Variants in XKR6 observed in about 807,000 individuals in gnomAD.
XKR6 encodes XK related 6.
In XKR6, 22 loss-of-function variants were observed where a neutral mutation model predicts 56.7. That is an observed-to-expected ratio of 0.39 (90% confidence interval 0.28 to 0.55). The LOEUF is 0.55. Among genes scored for constraint, XKR6 ranks in the 20% least tolerant of loss-of-function variants. The probability of loss-of-function intolerance (pLI) is 0.66; values close to 1 mark genes in which losing one functional copy is unlikely to be tolerated. For missense variants in XKR6, 852 were observed against 889.0 expected, an observed-to-expected ratio of 0.96 and a Z score of 0.53; for synonymous variants, 524 against 387.8, an observed-to-expected ratio of 1.35 and a Z score of -4.13.
chr8:11,173,495 G>C (rs1802491418), intron 1 of XKR6, among the ~76,000 whole-genome samples: 1 of 151,882 alleles, frequency 6.6e-6, no homozygotes, highest in Admixed American at 6.6e-5. Context: ...CATGATTCTG[G>C]AGCCAGACTG....
At chr8:10,954,473 G>A (rs1434095510) in intron 1 of XKR6, among the ~76,000 whole-genome samples, 1 of 152,202 alleles carries the variant, frequency 6.6e-6, no homozygotes, top group Non-Finnish European at 1.5e-5. Flanking sequence ...TTGAAGAAAT[G>A]TCTATTGAAA....
At chr8:11,034,283 G>C (rs1799083110) in intron 1 of XKR6, among the ~76,000 whole-genome samples, 1 of 152,188 alleles carries the variant, frequency 6.6e-6, no homozygotes, top group Non-Finnish European at 1.5e-5. Flanking sequence ...CGGCATGGAG[G>C]AGCCAGCACT....
chr8:10,900,508 T>C (rs544494381), intron 2 of XKR6, among the ~76,000 whole-genome samples: 10 of 152,328 alleles, frequency 6.6e-5, no homozygotes, highest in East Asian at 3.9e-4. Context: ...CTGTTAACTG[T>C]TACAATGGGC....
intron 1 of XKR6, among the ~76,000 whole-genome samples, chr8:10,990,890 A>T (rs970625458): frequency 7.8e-5 from 10 of 127,546 alleles, no homozygotes; most frequent in African/African-American, 3.0e-4. Context: ...GCCACTGGGG[A>T]ATGTCTTTTT....
chr8:11,115,125 A>C (rs1799112021), intron 1 of XKR6, among the ~76,000 whole-genome samples: 1 of 152,178 alleles, frequency 6.6e-6, no homozygotes, highest in Non-Finnish European at 1.5e-5. Flanking sequence ...TGACAACAGA[A>C]TGAGGCTGCA....
intron 2 of XKR6, among the ~76,000 whole-genome samples, chr8:10,923,502 C>A (rs541580952): frequency 4.6e-5 from 7 of 152,370 alleles, no homozygotes; most frequent in Admixed American, 4.6e-4. Context: ...CAGCAAGCTA[C>A]TAGCCTGAAC....
rs536670763 is a variant in XKR6 at position 10,961,110 on chromosome 8, C to T, written c.765-36280G>A. 1.0e-3 allele frequency among the ~76,000 whole-genome samples: 159 copies of T among 152,154 alleles called. 1 individual carries two copies. Among genetic ancestry groups the T allele is most frequent in the African/African-American group, 3.8e-3 (157 of 41,500 alleles). Reference sequence around the variant, plus strand: ...TGGCAGGCAGGGACAGAGCATGAGGCAGAGAGAGGGTGGAGGGGAAGGCTG... The same window carrying T: ...TGGCAGGCAGGGACAGAGCATGAGGTAGAGAGAGGGTGGAGGGGAAGGCTG... On this transcript the variant is annotated intron_variant, in intron 1 of 2. Coordinates refer to ENST00000416569, the MANE Select transcript of XKR6 (RefSeq NM_173683.4).
At chr8:10,939,747 C>T (rs1440840446) in intron 1 of XKR6, among the ~76,000 whole-genome samples, 2 of 152,234 alleles carry the variant, frequency 1.3e-5, no homozygotes, top group African/African-American at 2.4e-5. Flanking sequence ...CCAGGGGCCT[C>T]GCCCACCTTC....
At chr8:11,051,512 T>A (rs545238666) in intron 1 of XKR6, among the ~76,000 whole-genome samples, 5 of 152,040 alleles carry the variant, frequency 3.3e-5, no homozygotes, top group Non-Finnish European at 7.4e-5. Flanking sequence ...CCCAGCGGAG[T>A]AAAGGACACC....
intron 1 of XKR6, among the ~76,000 whole-genome samples, chr8:11,097,431 T>C (rs960191749): frequency 1.3e-5 from 2 of 151,188 alleles, no homozygotes; most frequent in African/African-American, 2.4e-5. Context: ...TGTGTAAAAG[T>C]AGATAATACC....
chr8:10,952,843 G>C (rs921920017), intron 1 of XKR6, among the ~76,000 whole-genome samples: 1 of 152,170 alleles, frequency 6.6e-6, no homozygotes, highest in African/African-American at 2.4e-5. Flanking sequence ...TAGGAACCCA[G>C]CTGCACAGCA....
At chr8:11,186,664 G>A (rs940723239) in intron 1 of XKR6, among the ~76,000 whole-genome samples, 5 of 152,168 alleles carry the variant, frequency 3.3e-5, no homozygotes, top group Non-Finnish European at 5.9e-5. Context: ...ACAGGCATGA[G>A]ACACCACGCC....
chr8:11,079,015 G>A (rs1233037660), intron 1 of XKR6, among the ~76,000 whole-genome samples: 1 of 152,244 alleles, frequency 6.6e-6, no homozygotes, highest in Non-Finnish European at 1.5e-5. Context: ...CAAGACTAGA[G>A]GAACAGGGCG....
At chr8:10,912,303 GGT>G (rs1241996273) in intron 2 of XKR6, among the ~76,000 whole-genome samples, 1 of 18,056 alleles carries the variant, frequency 5.5e-5, no homozygotes, top group Non-Finnish European at 9.6e-5. Flanking sequence ...ATAAAGAGAG[GGT>G]GTATATATAT....
chr8:11,060,123 G>C (rs550844145), intron 1 of XKR6, among the ~76,000 whole-genome samples: 8 of 152,290 alleles, frequency 5.3e-5, no homozygotes, highest in African/African-American at 1.9e-4. Context: ...GCAGCCACAA[G>C]CTCAGGGTTG....
At chr8:11,185,735 T>G (rs1023252051) in intron 1 of XKR6, among the ~76,000 whole-genome samples, 16 of 152,194 alleles carry the variant, frequency 1.1e-4, no homozygotes, top group African/African-American at 3.6e-4. Flanking sequence ...CACTGATGAG[T>G]CTTGGGCACA....
intron 1 of XKR6, among the ~76,000 whole-genome samples, chr8:11,064,264 GGAAAGA>G (rs1799921901): frequency 6.6e-6 from 1 of 152,150 alleles, no homozygotes; most frequent in African/African-American, 2.4e-5. Context: ...CTTTCAGCTA[GGAAAGA>G]GAGGCTAAAG....
intron 1 of XKR6, among the ~76,000 whole-genome samples, chr8:10,976,208 G>A (rs927055846): frequency 4.0e-5 from 6 of 150,828 alleles, no homozygotes; most frequent in African/African-American, 1.2e-4. Flanking sequence ...CCCCAACCTC[G>A]CCACCATGTT....
At chr8:10,987,261 C>G (rs1036390491) in intron 1 of XKR6, among the ~76,000 whole-genome samples, 4 of 152,178 alleles carry the variant, frequency 2.6e-5, no homozygotes, top group African/African-American at 9.7e-5. Flanking sequence ...GAGGCACTTA[C>G]AGTCCTGGAA....
Sources: gnomAD v4.1 joint callset for allele counts (sites outside exome capture counted in the v4.1 genomes callset) on GRCh38, gnomAD v4.1.1 for gene constraint, MANE v1.5 for transcripts, NCBI Gene and HGNC (gene_info 2026-07-23, HGNC 2026-07-21) for gene names.